Variants in PDE4B observed in about 807,000 individuals in gnomAD.
PDE4B encodes the protein phosphodiesterase 4B, also known as 3',5'-cyclic-AMP phosphodiesterase 4B.
In PDE4B, 20 loss-of-function variants were observed where a neutral mutation model predicts 82.2. The ratio of observed to expected loss-of-function variants is 0.24; its 90% confidence interval spans 0.17 to 0.35. The LOEUF (loss-of-function observed/expected upper bound fraction) is 0.35, where lower values mean the gene tolerates loss of function less well. Ranked by LOEUF, PDE4B falls within the 10% of genes least tolerant of loss-of-function variation. PDE4B has a pLI of 1.00. For synonymous variants in PDE4B, 320 were observed against 318.9 expected (o/e 1.00, Z -0.04); for missense variants, 655 against 907.2 (o/e 0.72, Z 3.57).
chr1:65,892,807 GC>G (rs1257235902), intron 1 of PDE4B, among the ~76,000 whole-genome samples: 1 of 151,784 alleles, frequency 6.6e-6, no homozygotes, highest in Non-Finnish European at 1.5e-5. Flanking sequence ...TCTTCTTTGG[GC>G]ATTACTCCCT....
intron 3 of PDE4B, among the ~76,000 whole-genome samples, chr1:66,055,393 T>TA (rs1205190679): frequency 1.3e-5 from 2 of 152,356 alleles, no homozygotes; most frequent in South Asian, 2.1e-4. Flanking sequence ...GTTGTAAGAA[T>TA]AAAAATAGAT....
At chr1:65,917,676 A>G (rs1198532439) in intron 2 of PDE4B, among the ~76,000 whole-genome samples, 1 of 152,184 alleles carries the variant, frequency 6.6e-6, no homozygotes, top group East Asian at 1.9e-4. Context: ...CACAAAGTGT[A>G]TGATTAATGT....
intron 3 of PDE4B, among the ~76,000 whole-genome samples, chr1:65,919,236 G>T (rs1225340107): frequency 1.3e-5 from 2 of 152,104 alleles, no homozygotes; most frequent in Non-Finnish European, 2.9e-5. Context: ...CTTCTCCCTA[G>T]CTTCTATTTA....
chr1:65,874,354 C>T (rs1222970034), intron 1 of PDE4B, among the ~76,000 whole-genome samples: 6 of 152,138 alleles, frequency 3.9e-5, no homozygotes, highest in African/African-American at 1.2e-4. Context: ...ACAATCATGT[C>T]GTCTGCAAAC....
intron 2 of PDE4B, 66 bp from the exon 3 acceptor site, chr1:65,918,531 A>T (rs1013136548): frequency 2.2e-6 from 2 of 909,210 alleles, no homozygotes; most frequent in African/African-American, 3.3e-5. Context: ...TTCTTCTTTC[A>T]CTCCATTTAA....
At chr1:66,097,479 G>C (rs1645139592) in intron 3 of PDE4B, among the ~76,000 whole-genome samples, 1 of 151,952 alleles carries the variant, frequency 6.6e-6, no homozygotes, top group Non-Finnish European at 1.5e-5. Context: ...AGTTGAAAGG[G>C]TGAAGTTATT....
At chr1:65,892,356 C>T (rs1395875599) in intron 1 of PDE4B, among the ~76,000 whole-genome samples, 1 of 151,958 alleles carries the variant, frequency 6.6e-6, no homozygotes, top group Non-Finnish European at 1.5e-5. Context: ...GGGCTTACCA[C>T]AAATGAGTCA....
chr1:65,848,716 A>C (rs1481669272), intron 1 of PDE4B, among the ~76,000 whole-genome samples: 2 of 152,182 alleles, frequency 1.3e-5, no homozygotes, highest in South Asian at 4.1e-4. Context: ...ATGTACTAAT[A>C]GTTCATTCAT....
chr1:65,819,513 T>C (rs1376132536), intron 1 of PDE4B, among the ~76,000 whole-genome samples: 2 of 151,246 alleles, frequency 1.3e-5, no homozygotes, highest in Admixed American at 1.3e-4. Context: ...TGTTTTTTTT[T>C]TTTTTTGAGA....
chr1:66,186,747 G>A (rs1647230241), intron 3 of PDE4B, among the ~76,000 whole-genome samples: 1 of 152,086 alleles, frequency 6.6e-6, no homozygotes, highest in African/African-American at 2.4e-5. Flanking sequence ...AGACCATGGG[G>A]TTTTCTAGAT....
chr1:66,008,409 G>A (rs1016866039), intron 3 of PDE4B, among the ~76,000 whole-genome samples: 5 of 152,110 alleles, frequency 3.3e-5, no homozygotes, highest in Middle Eastern at 3.4e-3. Context: ...AATTATCTGT[G>A]TACCTGGTTA....
At chr1:65,928,251 C>G (rs183687447) in intron 3 of PDE4B, among the ~76,000 whole-genome samples, 9 of 152,272 alleles carry the variant, frequency 5.9e-5, no homozygotes, top group African/African-American at 1.9e-4. Flanking sequence ...GTCTGGAAAT[C>G]GATTGAGGGG....
chr1:66,206,585 G>T (rs1191786241), intron 3 of PDE4B, among the ~76,000 whole-genome samples: 1 of 152,152 alleles, frequency 6.6e-6, no homozygotes, highest in Non-Finnish European at 1.5e-5. Context: ...GTAAAACGTG[G>T]ATCACATACT....
At chr1:66,026,162 T>A (rs927109756) in intron 3 of PDE4B, among the ~76,000 whole-genome samples, 1 of 152,224 alleles carries the variant, frequency 6.6e-6, no homozygotes, top group Non-Finnish European at 1.5e-5. Context: ...GGAAATGCCC[T>A]TGAAGCATGA....
At chr1:66,252,610 A>G (rs1653874311) in intron 4 of PDE4B, among the ~76,000 whole-genome samples, 2 of 152,226 alleles carry the variant, frequency 1.3e-5, no homozygotes, top group African/African-American at 4.8e-5. Context: ...TACTCAAAGT[A>G]TAGTTTCTGC....
intron 1 of PDE4B, among the ~76,000 whole-genome samples, chr1:65,830,317 C>T (rs1001601873): frequency 1.2e-4 from 19 of 152,268 alleles, no homozygotes; most frequent in African/African-American, 4.6e-4. Flanking sequence ...GAAATATTGT[C>T]TCCTCTAGGG....
At chr1:65,906,364 A>G (rs927754370) in intron 1 of PDE4B, among the ~76,000 whole-genome samples, 8 of 152,146 alleles carry the variant, frequency 5.3e-5, no homozygotes, top group African/African-American at 1.9e-4. Flanking sequence ...AGGTGTGGAG[A>G]GAGCTTGCAA....
intron 3 of PDE4B, among the ~76,000 whole-genome samples, chr1:65,931,308 G>T (rs1194282489): frequency 1.3e-5 from 2 of 152,102 alleles, no homozygotes; most frequent in East Asian, 3.9e-4. Flanking sequence ...CCAGTCTTGG[G>T]TATTCCTTTA....
At chr1:66,253,156 G>A (rs1052010626) in intron 4 of PDE4B, among the ~76,000 whole-genome samples, 12 of 152,190 alleles carry the variant, frequency 7.9e-5, no homozygotes, top group African/African-American at 2.7e-4. Context: ...GAGACATGGA[G>A]AGGTTACCTA....
Sources: gnomAD v4.1 joint callset for allele counts (sites outside exome capture counted in the v4.1 genomes callset) on GRCh38, gnomAD v4.1.1 for gene constraint, MANE v1.5 for transcripts, NCBI Gene and HGNC (gene_info 2026-07-23, HGNC 2026-07-21) for gene names.